PPP1R21: variants seen among roughly 807,000 people sequenced by gnomAD.
PPP1R21 encodes protein phosphatase 1 regulatory subunit 21.
A neutral mutation model predicts 112.8 loss-of-function variants in PPP1R21; 85 were observed. The ratio of observed to expected loss-of-function variants is 0.75; its 90% CI spans 0.63 to 0.90. The LOEUF (loss-of-function observed/expected upper bound fraction) is 0.90. PPP1R21 is among the 40% of genes least tolerant of loss of function. The pLI, the probability that PPP1R21 is intolerant of heterozygous loss-of-function variation, is 0.00. For missense variants in PPP1R21, 1,199 were observed against 901.5 expected (o/e 1.33, Z -4.23); for synonymous variants, 381 against 322.3 (o/e 1.18, Z -1.95).
intron 1 of PPP1R21, 146 bp downstream of exon 1, chr2:48,441,156 A>G (rs967629938): frequency 1.5e-6 from 1 of 661,114 alleles, no homozygotes; most frequent in Admixed American, 2.8e-5. Context: ...GTCCACCATT[A>G]CGGTGCCTCC....
intron 4 of PPP1R21, among the ~76,000 whole-genome samples, chr2:48,459,171 G>A (rs4953579): frequency 0.47 from 69,512 of 149,382 alleles, 16,321 homozygotes; most frequent in Middle Eastern, 0.66. Context: ...TTGGTCAAAT[G>A]GTAGGAAACA....
At position 48,510,002 on chromosome 2, in the gene PPP1R21, T is replaced by C. The variant is rs1188147089; in HGVS notation, c.2086-13T>C. On this transcript the variant is annotated splice_polypyrimidine_tract_variant and intron_variant, in intron 19 of 21. Transcript: ENST00000294952. The stretch of plus-strand genomic sequence containing the variant: ...TGCTCCCTCTAGTAATGGAATGTTT[T>C]CTGATTTTACAGTGCCGAGCACTGT... 2 of 1,574,316 alleles carry C rather than the reference T, an allele frequency of 1.3e-6. No individual in the cohort carries two copies. Among genetic ancestry groups the C allele is most frequent in the East Asian group, 4.5e-5 (2 of 44,350 alleles).
chr2:48,511,543 A>T (rs1370799568), intron 21 of PPP1R21, 75 bp downstream of exon 21: 2 of 1,544,728 alleles, frequency 1.3e-6, no homozygotes, highest in East Asian at 2.3e-5. Flanking sequence ...TATGCATTTC[A>T]GGAGGAAGAG....
chr2:48,451,762 C>T (rs948277737), intron 2 of PPP1R21, among the ~76,000 whole-genome samples: 8 of 152,182 alleles, frequency 5.3e-5, no homozygotes, highest in South Asian at 2.1e-4. Flanking sequence ...CACTCTTTTG[C>T]TCTTTCCCTT....
In PPP1R21 at chr2:48,458,232, G is replaced by GA. The variant is rs2103789266; in HGVS notation, c.375+9dup. 2 of 1,592,702 alleles carry GA rather than the reference G, an allele frequency of 1.3e-6. No homozygotes were observed. The highest frequency in any genetic ancestry group is 2.2e-5 in the East Asian group (1 of 44,524). ...AATGAACGGTTGCATATACAAGTGA[G>GA]AAAATCTGTTTTTCTATGTGAATTA... On this transcript the variant is annotated splice_donor_region_variant and intron_variant, in intron 4 of 21. Transcript: ENST00000294952.
intron 15 of PPP1R21, among the ~76,000 whole-genome samples, chr2:48,494,657 C>T (rs1008911014): frequency 6.6e-6 from 1 of 151,928 alleles, no homozygotes; most frequent in African/African-American, 2.4e-5. Flanking sequence ...CTTAGGAAGT[C>T]CACCCGCCTC....
chr2:48,502,683 T>TC (rs1670174537), intron 17 of PPP1R21, among the ~76,000 whole-genome samples: 3 of 144,174 alleles, frequency 2.1e-5, no homozygotes, highest in East Asian at 2.0e-4. Flanking sequence ...TTTCTTTTTT[T>TC]TTTTTTTTTT....
At chr2:48,465,674 C>A in intron 9 of PPP1R21, 32 bp downstream of exon 9, 2 of 1,594,380 alleles carry the variant, frequency 1.3e-6, no homozygotes, top group South Asian at 1.1e-5. Flanking sequence ...TTTTGTTTGC[C>A]CTGAACAAAA....
intron 9 of PPP1R21, among the ~76,000 whole-genome samples, chr2:48,469,405 TAGAG>T (rs199770122): frequency 1.5e-4 from 9 of 59,784 alleles, no homozygotes; most frequent in South Asian, 3.9e-4. Context: ...CATATATATA[TAGAG>T]AGAGAGCATA....
intron 21 of PPP1R21, among the ~76,000 whole-genome samples, chr2:48,513,050 G>C (rs1670711054): frequency 6.6e-6 from 1 of 152,124 alleles, no homozygotes; most frequent in African/African-American, 2.4e-5. Context: ...TTGAAAAGAA[G>C]TAGCAATAAT....
intron 3 of PPP1R21, among the ~76,000 whole-genome samples, chr2:48,455,963 C>T (rs898172849): frequency 1.4e-5 from 2 of 141,922 alleles, no homozygotes; most frequent in South Asian, 2.2e-4. Flanking sequence ...TGCAGCGAGC[C>T]GAGATCAGGC....
chr2:48,510,766 C>G (rs1302362610), intron 20 of PPP1R21, among the ~76,000 whole-genome samples: 2 of 152,144 alleles, frequency 1.3e-5, no homozygotes, highest in Non-Finnish European at 2.9e-5. Flanking sequence ...AGGATGGAGG[C>G]AATGTGTTGT....
chr2:48,482,692 A>G (rs1669075679), intron 13 of PPP1R21, among the ~76,000 whole-genome samples: 2 of 143,616 alleles, frequency 1.4e-5, no homozygotes, highest in Non-Finnish European at 3.0e-5. Context: ...TAAAGTGACT[A>G]TAGTCTGTAG....
intron 12 of PPP1R21, among the ~76,000 whole-genome samples, chr2:48,478,029 G>C (rs188047726): frequency 6.6e-6 from 1 of 152,344 alleles, no homozygotes; most frequent in East Asian, 1.9e-4. Flanking sequence ...TCTGGAGACA[G>C]AGATACAAGG....
chr2:48,464,521 A>T (rs908845881), intron 7 of PPP1R21, among the ~76,000 whole-genome samples: 5 of 152,224 alleles, frequency 3.3e-5, no homozygotes, highest in Admixed American at 1.3e-4. Flanking sequence ...GCAGACAGTG[A>T]TAGATTTTTC....
chr2:48,467,064 A>G (rs1306996682), intron 9 of PPP1R21, among the ~76,000 whole-genome samples: 2 of 152,118 alleles, frequency 1.3e-5, no homozygotes, highest in Non-Finnish European at 2.9e-5. Flanking sequence ...AACTTTCATC[A>G]CTGGGCATGT....
At chr2:48,478,952 G>C (rs1668881226) in intron 12 of PPP1R21, among the ~76,000 whole-genome samples, 1 of 152,202 alleles carries the variant, frequency 6.6e-6, no homozygotes, top group Admixed American at 6.5e-5. Context: ...AGGGACAGTG[G>C]TCATACTTTT....
At chr2:48,511,059 A>G (rs1230097128) in intron 20 of PPP1R21, among the ~76,000 whole-genome samples, 1 of 152,114 alleles carries the variant, frequency 6.6e-6, no homozygotes, top group Non-Finnish European at 1.5e-5. Flanking sequence ...TGATGTAAAT[A>G]GTTGTACATG....
At chr2:48,452,377 A>T (rs1667514396) in intron 2 of PPP1R21, among the ~76,000 whole-genome samples, 1 of 152,192 alleles carries the variant, frequency 6.6e-6, no homozygotes. Context: ...CAACAACCCG[A>T]TGAGGTCAGA....
Sources: gnomAD v4.1 joint callset for allele counts (sites outside exome capture counted in the v4.1 genomes callset) on GRCh38, gnomAD v4.1.1 for gene constraint, MANE v1.5 for transcripts, NCBI Gene and HGNC (gene_info 2026-07-23, HGNC 2026-07-21) for gene names.